The following FRMD4B variants were observed in gnomAD, a reference collection of about 807,000 sequenced individuals.
The protein encoded by FRMD4B is FERM domain containing 4B, also known as FERM domain-containing protein 4B.
Under a neutral mutation model 141.5 loss-of-function variants are expected in FRMD4B, and 74 were observed. The observed-to-expected ratio is 0.52, with a 90% CI of 0.43 to 0.63. The LOEUF is 0.63. FRMD4B is among the 30% of genes least tolerant of loss of function. The pLI is 0.00. For synonymous variants in FRMD4B, 506 were observed against 467.9 expected, an observed-to-expected ratio of 1.08 and a Z score of -1.05; for missense variants, 1,366 against 1,253.4, an observed-to-expected ratio of 1.09 and a Z score of -1.36.
chr3:69,252,526 A>G (rs1446553467), intron 5 of FRMD4B, among the ~76,000 whole-genome samples: 1 of 152,250 alleles, frequency 6.6e-6, no homozygotes, highest in Non-Finnish European at 1.5e-5. Flanking sequence ...TCACTGTTCT[A>G]GAAATCCCGG....
At position 69,260,672 on chromosome 3, in the gene FRMD4B, G is replaced by A. The variant is rs559983633; in HGVS notation, c.502-10573C>T. On this transcript the variant is annotated intron_variant, in intron 5 of 22. Transcript: ENST00000398540. ...GCGGGACTGGCGGGAAACTCTGCCC[G>A]CAGCCCCAGCACGGGATCCACTAGG... is the stretch of plus-strand genomic sequence containing the variant. Among the ~76,000 whole-genome samples, 101 of 152,354 alleles carry A rather than the reference G, an allele frequency of 6.6e-4. 1 individual carries two copies. Among genetic ancestry groups the A allele is most frequent in the African/African-American group, 2.4e-3 (98 of 41,602 alleles).
chr3:69,372,627 T>C (rs771451550), intron 1 of FRMD4B, among the ~76,000 whole-genome samples: 4 of 152,208 alleles, frequency 2.6e-5, no homozygotes, highest in Admixed American at 6.5e-5. Flanking sequence ...ATCATGCCAC[T>C]GCTCTCCAGC....
intron 1 of FRMD4B, among the ~76,000 whole-genome samples, chr3:69,524,474 G>A (rs1283640136): frequency 6.6e-6 from 1 of 152,222 alleles, no homozygotes; most frequent in Non-Finnish European, 1.5e-5. Context: ...CAGTTAGAAT[G>A]TAGGTGCTTG....
At chr3:69,233,264 T>C (rs1292238177) in intron 7 of FRMD4B, among the ~76,000 whole-genome samples, 2 of 152,022 alleles carry the variant, frequency 1.3e-5, no homozygotes, top group Admixed American at 1.3e-4. Flanking sequence ...GATGGATCAC[T>C]TGAGCCCAGG....
intron 1 of FRMD4B, among the ~76,000 whole-genome samples, chr3:69,435,799 A>G (rs572512289): frequency 7.2e-5 from 11 of 152,288 alleles, no homozygotes; most frequent in Middle Eastern, 3.4e-3. Flanking sequence ...CAAAGTGAAA[A>G]CTGTGTATAG....
intron 1 of FRMD4B, among the ~76,000 whole-genome samples, chr3:69,362,138 C>T (rs781655249): frequency 1.3e-5 from 2 of 152,144 alleles, no homozygotes; most frequent in Non-Finnish European, 2.9e-5. Flanking sequence ...ATAACAAGCA[C>T]TTATATAGTA....
Position 69,310,457 on chromosome 3 carries a change from C to A in FRMD4B, c.323+806G>T, listed in dbSNP as rs73838356. On this transcript the variant is annotated intron_variant, in intron 3 of 22. Coordinates refer to ENST00000398540, the MANE Select transcript of FRMD4B (RefSeq NM_015123.3). ...TAAGGAGCTCTTTGGAAATTATCTG[C>A]AGAAAGTGGAAGGATTCCTCTGATA... 5.1e-3 allele frequency: 2,350 copies of A among 456,324 alleles called. 41 individuals carry two copies. The highest frequency in any genetic ancestry group is 0.044 in the African/African-American group (2,178 of 50,036). 28.3% of individuals were successfully genotyped at this position (456,324 alleles called of 1,614,324 possible). A position where few individuals can be genotyped will look rare whatever the true frequency, so the allele number is the denominator to read the frequency against.
At chr3:69,263,249 T>G (rs1052461063) in intron 5 of FRMD4B, among the ~76,000 whole-genome samples, 2 of 151,982 alleles carry the variant, frequency 1.3e-5, no homozygotes, top group Admixed American at 1.3e-4. Flanking sequence ...AGAGCAAGAC[T>G]CCGTCTCAAA....
intron 17 of FRMD4B, among the ~76,000 whole-genome samples, chr3:69,193,108 G>A (rs1184028702): frequency 6.6e-6 from 1 of 152,000 alleles, no homozygotes; most frequent in African/African-American, 2.4e-5. Context: ...GGTGTGGGGC[G>A]CCATGCTCGT....
intron 7 of FRMD4B, among the ~76,000 whole-genome samples, chr3:69,241,968 T>G (rs145945830): frequency 3.3e-5 from 5 of 152,254 alleles, no homozygotes; most frequent in African/African-American, 1.2e-4. Context: ...GAGCCCTAAT[T>G]TGCCACTCTC....
At chr3:69,387,481 G>A (rs897498118), upstream of FRMD4B, among the ~76,000 whole-genome samples, 34 of 152,094 alleles carry the variant, frequency 2.2e-4, no homozygotes, top group African/African-American at 8.2e-4. Context: ...ATTTCAGGAT[G>A]GAGTTTTTTC....
intron 4 of FRMD4B, 134 bp downstream of exon 4, chr3:69,302,209 T>C: frequency 1.6e-6 from 1 of 639,518 alleles, no homozygotes; most frequent in East Asian, 2.7e-5. Context: ...CATGATAATG[T>C]TTTGATAGGT....
chr3:69,369,599 T>A (rs930059453), intron 1 of FRMD4B, among the ~76,000 whole-genome samples: 1 of 152,006 alleles, frequency 6.6e-6, no homozygotes, highest in African/African-American at 2.4e-5. Context: ...AAAAACACAT[T>A]CACTAAAAAA....
chr3:69,441,694 G>A (rs1175791787), intron 1 of FRMD4B, among the ~76,000 whole-genome samples: 1 of 152,158 alleles, frequency 6.6e-6, no homozygotes, highest in Non-Finnish European at 1.5e-5. Context: ...CAGTGAATAT[G>A]AGCTGAATGG....
At chr3:69,439,582 G>A (rs986862577) in intron 1 of FRMD4B, among the ~76,000 whole-genome samples, 1 of 152,186 alleles carries the variant, frequency 6.6e-6, no homozygotes, top group Non-Finnish European at 1.5e-5. Flanking sequence ...AATACCAAGA[G>A]TCCCTCCTTT....
At chr3:69,194,017 T>G in intron 16 of FRMD4B, 144 bp from the exon 17 acceptor site, 1 of 615,096 alleles carries the variant, frequency 1.6e-6, no homozygotes, top group South Asian at 2.0e-5. Context: ...TGCATAGACA[T>G]CCTTGTCAAA....
At chr3:69,429,667 G>T (rs1413827540) in intron 2 of FRMD4B, among the ~76,000 whole-genome samples, 1 of 151,878 alleles carries the variant, frequency 6.6e-6, no homozygotes, top group Non-Finnish European at 1.5e-5. Context: ...AGGACTTGCT[G>T]GTATGCAACG....
At chr3:69,287,261 G>C (rs1021789614) in intron 5 of FRMD4B, among the ~76,000 whole-genome samples, 1 of 152,236 alleles carries the variant, frequency 6.6e-6, no homozygotes, top group Non-Finnish European at 1.5e-5. Flanking sequence ...CCTTACCACA[G>C]ATAACTGAGA....
At chr3:69,459,817 C>T (rs1455850678) in intron 1 of FRMD4B, among the ~76,000 whole-genome samples, 2 of 152,176 alleles carry the variant, frequency 1.3e-5, no homozygotes, top group African/African-American at 2.4e-5. Flanking sequence ...GTAATTGTTA[C>T]CTCTTTTGTG....
Sources: gnomAD v4.1 joint callset for allele counts (sites outside exome capture counted in the v4.1 genomes callset) on GRCh38, gnomAD v4.1.1 for gene constraint, MANE v1.5 for transcripts, NCBI Gene and HGNC (gene_info 2026-07-23, HGNC 2026-07-21) for gene names.